The following RIT2 variants were observed in gnomAD, a reference collection of about 807,000 sequenced individuals.
RIT2 encodes Ras like without CAAX 2.
In RIT2, 24 loss-of-function variants were observed where a neutral mutation model predicts 23.7. The ratio of observed to expected loss-of-function variants is 1.01; its 90% CI spans 0.73 to 1.43. The LOEUF is 1.43. Ranked by LOEUF, RIT2 falls within the 40% of genes most tolerant of loss-of-function variation. The probability of loss-of-function intolerance (pLI) is 0.00; values close to 1 mark genes in which losing one functional copy is unlikely to be tolerated. For synonymous variants in RIT2, 107 were observed against 91.1 expected (o/e 1.17, Z -0.99); for missense variants, 236 against 266.9 (o/e 0.88, Z 0.81).
chr18:42,846,978 T>C (rs1350752224), intron 4 of RIT2, among the ~76,000 whole-genome samples: 2 of 152,136 alleles, frequency 1.3e-5, no homozygotes, highest in Non-Finnish European at 2.9e-5. Flanking sequence ...GTATAACCTA[T>C]TGAGTTGTGC....
At chr18:42,775,495 G>A (rs1329529438) in intron 4 of RIT2, among the ~76,000 whole-genome samples, 1 of 152,036 alleles carries the variant, frequency 6.6e-6, no homozygotes, top group African/African-American at 2.4e-5. Context: ...AGGAGATCGA[G>A]ACCATCTTGG....
intron 1 of RIT2, among the ~76,000 whole-genome samples, chr18:43,068,295 C>T (rs1240950909): frequency 1.3e-5 from 2 of 152,020 alleles, no homozygotes; most frequent in Non-Finnish European, 2.9e-5. Context: ...CCCAAGATCA[C>T]ACAGGTAGTT....
intron 3 of RIT2, among the ~76,000 whole-genome samples, chr18:42,939,943 G>A (rs1909554271): frequency 6.6e-6 from 1 of 151,876 alleles, no homozygotes; most frequent in Non-Finnish European, 1.5e-5. Context: ...ACGGCAATTT[G>A]CATTTATTTG....
intron 1 of RIT2, among the ~76,000 whole-genome samples, chr18:43,068,741 T>A (rs1214749386): frequency 6.6e-6 from 1 of 151,944 alleles, no homozygotes; most frequent in Non-Finnish European, 1.5e-5. Context: ...AGGTAGTAAT[T>A]GATTGATGTG....
intron 2 of RIT2, among the ~76,000 whole-genome samples, chr18:43,018,571 T>C (rs1458682305): frequency 6.6e-6 from 1 of 151,954 alleles, no homozygotes; most frequent in East Asian, 2.0e-4. Flanking sequence ...AGATTGACAG[T>C]GGATTTCTAA....
chr18:42,909,587 C>T (rs1347282765), intron 4 of RIT2, among the ~76,000 whole-genome samples: 1 of 151,494 alleles, frequency 6.6e-6, no homozygotes, highest in Non-Finnish European at 1.5e-5. Flanking sequence ...GGTGACAGTT[C>T]CAATAAATCT....
chr18:43,078,045 C>T (rs182872329), intron 1 of RIT2, among the ~76,000 whole-genome samples: 4 of 152,184 alleles, frequency 2.6e-5, no homozygotes, highest in Non-Finnish European at 4.4e-5. Context: ...CTTTTGAAAG[C>T]GATGCTAAAA....
At chr18:42,982,006 G>A (rs968956329) in intron 2 of RIT2, among the ~76,000 whole-genome samples, 4 of 152,166 alleles carry the variant, frequency 2.6e-5, no homozygotes, top group Non-Finnish European at 4.4e-5. Context: ...AGATTGACTA[G>A]AATCCATGAT....
At chr18:42,937,308 G>T (rs1909484538) in intron 3 of RIT2, among the ~76,000 whole-genome samples, 1 of 151,982 alleles carries the variant, frequency 6.6e-6, no homozygotes, top group South Asian at 2.1e-4. Flanking sequence ...ATCCCTAATT[G>T]CAATTTTTAT....
intron 3 of RIT2, among the ~76,000 whole-genome samples, chr18:42,961,755 A>G (rs1910098371): frequency 1.3e-5 from 2 of 152,218 alleles, no homozygotes; most frequent in Non-Finnish European, 2.9e-5. Context: ...CACCAGAGCC[A>G]TATGAAAACA....
chr18:42,785,117 C>T (rs1234260015), intron 4 of RIT2, among the ~76,000 whole-genome samples: 3 of 152,000 alleles, frequency 2.0e-5, no homozygotes, highest in African/African-American at 7.2e-5. Flanking sequence ...TTCATAGTCA[C>T]CTTTGGTATC....
At chr18:42,990,306 C>T (rs553272145) in intron 2 of RIT2, among the ~76,000 whole-genome samples, 27 of 152,166 alleles carry the variant, frequency 1.8e-4, no homozygotes, top group African/African-American at 4.6e-4. Context: ...TGGGGCCCAT[C>T]CACATTAGGG....
chr18:43,039,319 A>G lies in RIT2; in HGVS notation c.104-5452T>C, dbSNP rs183516528. ...ACAACCACAGCCTTGTAATGGCACC[A>G]GAATTTCTGTTGACATTTTTTTTTC... is the stretch of plus-strand genomic sequence containing the variant. On this transcript the variant is annotated intron_variant, in intron 1 of 4. Transcript: ENST00000326695. Among the ~76,000 whole-genome samples, 431 of 150,812 alleles carry G rather than the reference A, an allele frequency of 2.9e-3. 3 individuals carry two copies. The highest frequency in any genetic ancestry group is 9.8e-3 in the African/African-American group (402 of 41,066).
intron 4 of RIT2, among the ~76,000 whole-genome samples, chr18:42,792,616 T>G (rs1433174100): frequency 6.6e-6 from 1 of 152,162 alleles, no homozygotes; most frequent in African/African-American, 2.4e-5. Context: ...GCAGGTGGCA[T>G]TTACATTTTA....
intron 2 of RIT2, among the ~76,000 whole-genome samples, chr18:43,030,124 A>G (rs1364933630): frequency 2.6e-5 from 4 of 152,084 alleles, no homozygotes; most frequent in Non-Finnish European, 4.4e-5. Context: ...AACCTTTATG[A>G]CACTTTAATT....
intron 1 of RIT2, among the ~76,000 whole-genome samples, chr18:43,082,732 C>T (rs1913187224): frequency 6.6e-6 from 1 of 151,948 alleles, no homozygotes; most frequent in Non-Finnish European, 1.5e-5. Flanking sequence ...GAACATATCT[C>T]AAAATAATAA....
intron 4 of RIT2, among the ~76,000 whole-genome samples, chr18:42,847,136 G>T (rs1043536594): frequency 6.6e-6 from 1 of 152,132 alleles, no homozygotes; most frequent in Admixed American, 6.6e-5. Flanking sequence ...AAGGAAAATG[G>T]TCAGTACTTG....
intron 2 of RIT2, among the ~76,000 whole-genome samples, chr18:42,989,891 CT>C (rs199992992): frequency 6.6e-6 from 1 of 151,880 alleles, no homozygotes; most frequent in Admixed American, 6.6e-5. Flanking sequence ...TCATAGTTTA[CT>C]TTTTGTACTA....
chr18:42,891,731 G>A (rs658364), intron 4 of RIT2, among the ~76,000 whole-genome samples: 4,603 of 152,220 alleles, frequency 0.03, 230 homozygotes, highest in African/African-American at 0.1. Context: ...TGGTTGCTAG[G>A]GGTAAAGGGG....
Sources: gnomAD v4.1 joint callset for allele counts (sites outside exome capture counted in the v4.1 genomes callset) on GRCh38, gnomAD v4.1.1 for gene constraint, MANE v1.5 for transcripts, NCBI Gene and HGNC (gene_info 2026-07-23, HGNC 2026-07-21) for gene names.